The following KANSL1L variants were observed in gnomAD, a reference collection of about 807,000 sequenced individuals.
The protein encoded by KANSL1L is KAT8 regulatory NSL complex subunit 1 like, also known as KAT8 regulatory NSL complex subunit 1-like protein.
A neutral mutation model predicts 108.6 loss-of-function variants in KANSL1L; 25 were observed. The ratio of observed to expected loss-of-function variants is 0.23; its 90% CI spans 0.17 to 0.32. The LOEUF (loss-of-function observed/expected upper bound fraction) is 0.32, where lower values mean the gene tolerates loss of function less well. KANSL1L is among the 10% of genes least tolerant of loss of function. KANSL1L has a pLI of 1.00. For missense variants in KANSL1L, 1,137 were observed against 1,125.7 expected (o/e 1.01, Z -0.14); for synonymous variants, 405 against 395.1 (o/e 1.03, Z -0.30).
At chr2:210,069,937 T>C (rs2094494693) in intron 6 of KANSL1L, among the ~76,000 whole-genome samples, 3 of 150,140 alleles carry the variant, frequency 2.0e-5, no homozygotes, top group Admixed American at 1.3e-4. Flanking sequence ...CAAGCAATTC[T>C]CCTGTCTCAG....
intron 3 of KANSL1L, among the ~76,000 whole-genome samples, chr2:210,106,794 G>C (rs1426309634): frequency 2.0e-5 from 3 of 151,502 alleles, no homozygotes; most frequent in Non-Finnish European, 2.9e-5. Flanking sequence ...AATTCAACCA[G>C]GGAGACCGTC....
At chr2:210,138,484 T>TA (rs1281604789) in intron 2 of KANSL1L, among the ~76,000 whole-genome samples, 2 of 152,082 alleles carry the variant, frequency 1.3e-5, no homozygotes, top group Admixed American at 6.6e-5. Flanking sequence ...ATGGCAGTGT[T>TA]AAAAAAAGTT....
chr2:210,081,728 T>C (rs1166369402), intron 5 of KANSL1L, among the ~76,000 whole-genome samples: 3 of 152,336 alleles, frequency 2.0e-5, no homozygotes, highest in Admixed American at 6.5e-5. Flanking sequence ...AGGTTTATCA[T>C]TCCAGCCCTG....
intron 6 of KANSL1L, among the ~76,000 whole-genome samples, chr2:210,059,118 A>G (rs2094391605): frequency 6.7e-6 from 1 of 149,698 alleles, no homozygotes; most frequent in Non-Finnish European, 1.5e-5. Context: ...AGCCTGGGTG[A>G]CAGAGCGAGA....
Position 210,153,599 on chromosome 2 carries a change from A to G in KANSL1L, c.984T>C (p.Ala328=), listed in dbSNP as rs1389049203. The G allele has an allele frequency of 6.2e-7, 1 of 1,614,022 alleles. No individual in the cohort carries two copies. The highest frequency in any genetic ancestry group is 1.7e-5 in the Admixed American group (1 of 59,992). Residue 328 remains alanine, a synonymous_variant, in exon 2 of 15, where the codon GCT becomes GCC. Transcript: ENST00000281772. ...AAEIQRFAFS[A]TGLLSHVEEG... ...CTTCAACATGAGACAACAGCCCTGT[A>G]GCAGAAAATGCAAATCTTTGGATTT...
chr2:210,134,639 T>A (rs2095157684), intron 2 of KANSL1L, among the ~76,000 whole-genome samples: 1 of 152,144 alleles, frequency 6.6e-6, no homozygotes, highest in African/African-American at 2.4e-5. Flanking sequence ...ACTAAGGCAG[T>A]TATCAAATTG....
At chr2:210,147,507 T>C (rs1401285109) in intron 2 of KANSL1L, among the ~76,000 whole-genome samples, 1 of 152,196 alleles carries the variant, frequency 6.6e-6, no homozygotes, top group African/African-American at 2.4e-5. Flanking sequence ...TACTAGTCTG[T>C]TCACAATTAC....
chr2:210,129,797 C>G (rs2095103492), intron 2 of KANSL1L, among the ~76,000 whole-genome samples: 1 of 151,956 alleles, frequency 6.6e-6, no homozygotes, highest in African/African-American at 2.4e-5. Context: ...AACCTGATTC[C>G]TAGGATTCAC....
chr2:210,114,300 A>C (rs1039350227), intron 3 of KANSL1L, among the ~76,000 whole-genome samples: 1 of 152,084 alleles, frequency 6.6e-6, no homozygotes, highest in African/African-American at 2.4e-5. Context: ...AAAAGAAAAC[A>C]AGACAAAATA....
intron 2 of KANSL1L, among the ~76,000 whole-genome samples, chr2:210,148,363 C>G (rs945366369): frequency 6.6e-6 from 1 of 152,170 alleles, no homozygotes; most frequent in East Asian, 1.9e-4. Context: ...TTCTATGGCT[C>G]TACCACCAGA....
intron 5 of KANSL1L, among the ~76,000 whole-genome samples, chr2:210,090,204 G>A (rs113891824): frequency 5.9e-5 from 9 of 152,054 alleles, no homozygotes; most frequent in African/African-American, 2.2e-4. Context: ...TTTTATAAAT[G>A]TTTTATAAAA....
At chr2:210,067,640 G>C (rs989388948) in intron 6 of KANSL1L, among the ~76,000 whole-genome samples, 5 of 148,622 alleles carry the variant, frequency 3.4e-5, no homozygotes, top group African/African-American at 1.3e-4. Context: ...GAGCCCTGGA[G>C]GTTGAGGCTG....
chr2:210,038,309 A>T (rs937735987), intron 8 of KANSL1L, among the ~76,000 whole-genome samples: 1 of 151,128 alleles, frequency 6.6e-6, no homozygotes, highest in Non-Finnish European at 1.5e-5. Flanking sequence ...AAAATAAACA[A>T]GGGAGTTTTT....
At chr2:210,030,013 G>C (rs1373903499) in intron 9 of KANSL1L, 95 bp from the exon 10 acceptor site, 3 of 552,834 alleles carry the variant, frequency 5.4e-6, no homozygotes, top group East Asian at 3.1e-5. Flanking sequence ...TTGATTCCTT[G>C]TTTTGTGTGT....
At chr2:210,114,363 G>A (rs1279725699) in intron 3 of KANSL1L, among the ~76,000 whole-genome samples, 3 of 152,098 alleles carry the variant, frequency 2.0e-5, no homozygotes, top group Admixed American at 6.5e-5. Flanking sequence ...TTCTATTCGG[G>A]AAAATTGTCC....
At chr2:210,119,285 TCTAA>T (rs1224043432) in intron 3 of KANSL1L, among the ~76,000 whole-genome samples, 1 of 152,128 alleles carries the variant, frequency 6.6e-6, no homozygotes, top group East Asian at 1.9e-4. Context: ...TCAATCCTAC[TCTAA>T]CTAGTCTGAA....
At chr2:210,078,699 A>G (rs1273902392) in intron 5 of KANSL1L, among the ~76,000 whole-genome samples, 2 of 152,240 alleles carry the variant, frequency 1.3e-5, no homozygotes, top group Admixed American at 6.5e-5. Context: ...GGCCCAATCA[A>G]TTAACCTCAT....
chr2:210,057,594 G>A (rs1010969545), intron 6 of KANSL1L, among the ~76,000 whole-genome samples: 2 of 152,108 alleles, frequency 1.3e-5, no homozygotes, highest in African/African-American at 4.8e-5. Context: ...CCAGCTACTC[G>A]GGAGGCTGAG....
At chr2:210,106,926 A>G (rs2094852764) in intron 3 of KANSL1L, among the ~76,000 whole-genome samples, 2 of 152,112 alleles carry the variant, frequency 1.3e-5, no homozygotes, top group African/African-American at 4.8e-5. Context: ...GAAAGGGTTG[A>G]ATATTTATAT....
Sources: gnomAD v4.1 joint callset for allele counts (sites outside exome capture counted in the v4.1 genomes callset) on GRCh38, gnomAD v4.1.1 for gene constraint, MANE v1.5 for transcripts, NCBI Gene and HGNC (gene_info 2026-07-23, HGNC 2026-07-21) for gene names.